Variants in MYO10 observed in about 807,000 individuals in gnomAD.
MYO10 encodes myosin X.
In MYO10, 133 loss-of-function variants were observed where a neutral mutation model predicts 257.3. The observed-to-expected ratio is 0.52, with a 90% CI of 0.45 to 0.60. The LOEUF (loss-of-function observed/expected upper bound fraction) is 0.60. MYO10 is among the 20% of genes least tolerant of loss of function. The probability of loss-of-function intolerance (pLI) is 0.00; values close to 1 mark genes in which losing one functional copy is unlikely to be tolerated. For missense variants in MYO10, 2,399 were observed against 2,635.7 expected (o/e 0.91, Z 1.97); for synonymous variants, 1,104 against 1,028.6 (o/e 1.07, Z -1.40).
chr5:16,883,281 T>C (rs190444365), intron 1 of MYO10, among the ~76,000 whole-genome samples: 5 of 152,240 alleles, frequency 3.3e-5, no homozygotes, highest in Admixed American at 3.3e-4. Flanking sequence ...TTCTTAACCA[T>C]TCCAGAGTAG....
chr5:16,887,276 G>C (rs1397755122), intron 1 of MYO10, among the ~76,000 whole-genome samples: 3 of 152,156 alleles, frequency 2.0e-5, no homozygotes, highest in Admixed American at 2.0e-4. Flanking sequence ...AAAGAAAGCG[G>C]TAAAAGGTAT....
At chr5:16,700,881 A>AT in intron 25 of MYO10, 82 bp downstream of exon 25, 1 of 1,399,152 alleles carries the variant, frequency 7.1e-7, no homozygotes, top group Non-Finnish European at 9.6e-7. Context: ...TCCTACGGGT[A>AT]TCTTCATTCA....
intron 19 of MYO10, among the ~76,000 whole-genome samples, chr5:16,750,332 T>C (rs1464065372): frequency 3.3e-5 from 5 of 152,074 alleles, no homozygotes; most frequent in Non-Finnish European, 4.4e-5. Flanking sequence ...CGAATTGACA[T>C]ATGCGTTCAG....
chr5:16,919,627 C>T (rs538082605), intron 1 of MYO10, among the ~76,000 whole-genome samples: 2 of 152,304 alleles, frequency 1.3e-5, no homozygotes, highest in African/African-American at 2.4e-5. Flanking sequence ...AAGCTCAGCA[C>T]AGTCCTAGCC....
chr5:16,917,752 T>C (rs6890440), intron 1 of MYO10, among the ~76,000 whole-genome samples: 1,793 of 151,408 alleles, frequency 0.012, 41 homozygotes, highest in African/African-American at 0.041. Flanking sequence ...CACACATCTG[T>C]AGTCCCAGCT....
At chr5:16,888,950 A>G (rs957620314) in intron 1 of MYO10, among the ~76,000 whole-genome samples, 1 of 151,982 alleles carries the variant, frequency 6.6e-6, no homozygotes, top group African/African-American at 2.4e-5. Context: ...AGGTGGGAGG[A>G]TCGTTTGAGC....
chr5:16,710,477 G>A (rs1299510455), intron 21 of MYO10, among the ~76,000 whole-genome samples: 3 of 152,072 alleles, frequency 2.0e-5, no homozygotes, highest in Non-Finnish European at 4.4e-5. Flanking sequence ...ATTTCAGACC[G>A]GCTACTGATC....
chr5:16,763,698 A>G lies in MYO10; in HGVS notation c.1384T>C (p.Phe462Leu). The change falls in exon 13 of 41, where the codon TTC (phenylalanine) becomes CTC (leucine). Residue 462 changes from phenylalanine (F) to leucine (L), a missense_variant. By Grantham distance (22) the Phe-to-Leu change is conservative (BLOSUM62 0). Transcript: ENST00000513610. ...NYANEKLQEY[F>L]NKHIFSLEQL... ...TCTAAAGAAAAAATATGCTTGTTGA[A>G]GTACTCCTGAAGTTTCTCGTTTGCA... 4 of 1,611,128 alleles carry G rather than the reference A, an allele frequency of 2.5e-6. No homozygotes were observed. Among genetic ancestry groups the G allele is most frequent in the Non-Finnish European group, 3.4e-6 (4 of 1,177,554 alleles).
chr5:16,830,679 G>GCACACACACACACACACACACT (rs1554000812), intron 2 of MYO10, among the ~76,000 whole-genome samples: 1 of 148,920 alleles, frequency 6.7e-6, no homozygotes. Flanking sequence ...TTTTTAATAG[G>GCACACACACACACACACACACT]CACACACACA....
At chr5:16,894,614 GA>G (rs1246979764) in intron 1 of MYO10, among the ~76,000 whole-genome samples, 2 of 152,216 alleles carry the variant, frequency 1.3e-5, no homozygotes, top group Non-Finnish European at 2.9e-5. Context: ...GGTGGCCACT[GA>G]CGCATTTAAC....
intron 1 of MYO10, among the ~76,000 whole-genome samples, chr5:16,922,233 G>A (rs1349761980): frequency 6.6e-6 from 1 of 151,496 alleles, no homozygotes; most frequent in African/African-American, 2.4e-5. Flanking sequence ...AAAAAATCAA[G>A]GGTGCCAGGG....
At chr5:16,781,890 G>A in intron 5 of MYO10, 61 bp from the exon 6 acceptor site, 1 of 1,559,424 alleles carries the variant, frequency 6.4e-7, no homozygotes, top group Non-Finnish European at 8.7e-7. Context: ...GACAGCAATA[G>A]CACTTCTCAC....
intron 2 of MYO10, among the ~76,000 whole-genome samples, chr5:16,852,577 G>A (rs1025920330): frequency 2.0e-5 from 3 of 151,506 alleles, no homozygotes; most frequent in Non-Finnish European, 4.4e-5. Flanking sequence ...CTACTCAAGG[G>A]TTCGTCTGTA....
At chr5:16,922,335 C>G (rs1193228114) in intron 1 of MYO10, among the ~76,000 whole-genome samples, 1 of 152,146 alleles carries the variant, frequency 6.6e-6, no homozygotes, top group Non-Finnish European at 1.5e-5. Context: ...GCCCTTAGCT[C>G]CAAGCCGCCT....
At chr5:16,863,581 T>C (rs567473429) in intron 2 of MYO10, among the ~76,000 whole-genome samples, 21 of 152,342 alleles carry the variant, frequency 1.4e-4, no homozygotes, top group Admixed American at 7.8e-4. Flanking sequence ...GGTTTCAATA[T>C]GACTGTTGAA....
chr5:16,917,929 C>T (rs976054600), intron 1 of MYO10, among the ~76,000 whole-genome samples: 2 of 152,158 alleles, frequency 1.3e-5, no homozygotes, highest in African/African-American at 4.8e-5. Flanking sequence ...TTCCAGGCTA[C>T]ATACTTTACA....
At chr5:16,757,064 A>G (rs1190521198) in intron 18 of MYO10, among the ~76,000 whole-genome samples, 1 of 145,444 alleles carries the variant, frequency 6.9e-6, no homozygotes, top group Non-Finnish European at 1.5e-5. Flanking sequence ...GGTTGCAGTG[A>G]GCTGAGATCG....
chr5:16,921,154 T>TAAAATA (rs1745969630), intron 1 of MYO10, among the ~76,000 whole-genome samples: 2 of 151,262 alleles, frequency 1.3e-5, no homozygotes, highest in African/African-American at 4.9e-5. Context: ...TAAAATAAAA[T>TAAAATA]AAACGTATAC....
intron 3 of MYO10, among the ~76,000 whole-genome samples, chr5:16,800,275 C>T (rs966514104): frequency 1.3e-5 from 2 of 152,052 alleles, no homozygotes; most frequent in Non-Finnish European, 2.9e-5. Context: ...TTTAAAATCC[C>T]GGCCAGCTAC....
Sources: gnomAD v4.1 joint callset for allele counts (sites outside exome capture counted in the v4.1 genomes callset) on GRCh38, gnomAD v4.1.1 for gene constraint, MANE v1.5 for transcripts, NCBI Gene and HGNC (gene_info 2026-07-23, HGNC 2026-07-21) for gene names.